Variants in NALF1 observed in about 807,000 individuals in gnomAD.
NALF1 encodes the protein NALCN channel auxiliary factor 1.
A neutral mutation model predicts 48.4 loss-of-function variants in NALF1; 3 were observed. The ratio of observed to expected loss-of-function variants is 0.06; its 90% confidence interval spans 0.03 to 0.16. The LOEUF (loss-of-function observed/expected upper bound fraction) is 0.16, where lower values mean the gene tolerates loss of function less well. Ranked by LOEUF, NALF1 falls within the 10% of genes least tolerant of loss-of-function variation. NALF1 has a pLI of 1.00. For synonymous variants in NALF1, 262 were observed against 245.7 expected, an observed-to-expected ratio of 1.07 and a Z score of -0.62; for missense variants, 526 against 571.5, an observed-to-expected ratio of 0.92 and a Z score of 0.81.
chr13:107,515,038 T>C (rs1430688907), intron 1 of NALF1, among the ~76,000 whole-genome samples: 1 of 152,210 alleles, frequency 6.6e-6, no homozygotes, highest in African/African-American at 2.4e-5. Flanking sequence ...TGTATGGCCA[T>C]ATGCAGGTTA....
rs929491249 is a variant in NALF1 at position 107,638,103 on chromosome 13, G to A, written c.915+227579C>T. On this transcript the variant is annotated intron_variant, in intron 1 of 2. Coordinates refer to ENST00000375915, the MANE Select transcript of NALF1 (RefSeq NM_001080396.3). ...TCTAAAAACGACATCATCTGTTCCT[G>A]CTAGAGTGTTTATGGAAATCAAACA... Among the ~76,000 whole-genome samples, 5 of 149,362 alleles carry A rather than the reference G, an allele frequency of 3.3e-5. No homozygotes were observed. The East Asian group carries it at 6.1e-4, about 18-fold the overall frequency.
At chr13:107,413,860 C>T (rs1884037185) in intron 1 of NALF1, among the ~76,000 whole-genome samples, 1 of 152,166 alleles carries the variant, frequency 6.6e-6, no homozygotes, top group Non-Finnish European at 1.5e-5. Flanking sequence ...AATCTCAGCT[C>T]ACTGTAACCT....
chr13:107,384,606 T>G (rs1476768330), intron 1 of NALF1, among the ~76,000 whole-genome samples: 4 of 152,162 alleles, frequency 2.6e-5, no homozygotes, highest in African/African-American at 9.6e-5. Context: ...ATTATTTAAT[T>G]AAATAAAACC....
intron 1 of NALF1, among the ~76,000 whole-genome samples, chr13:107,730,012 G>C (rs1252788290): frequency 6.6e-6 from 1 of 152,050 alleles, no homozygotes; most frequent in Non-Finnish European, 1.5e-5. Flanking sequence ...TATAATAAAA[G>C]TCACTTCTGC....
intron 1 of NALF1, among the ~76,000 whole-genome samples, chr13:107,338,837 A>T (rs1882611631): frequency 6.6e-6 from 1 of 152,144 alleles, no homozygotes; most frequent in Non-Finnish European, 1.5e-5. Flanking sequence ...ATTCTAAAAA[A>T]GTTACAGCTT....
At chr13:107,528,560 C>T (rs1876519753) in intron 1 of NALF1, among the ~76,000 whole-genome samples, 1 of 152,072 alleles carries the variant, frequency 6.6e-6, no homozygotes, top group African/African-American at 2.4e-5. Flanking sequence ...AGGGGAATTG[C>T]CTAATTTCAA....
chr13:107,371,814 A>G (rs1883252894), intron 1 of NALF1, among the ~76,000 whole-genome samples: 1 of 152,262 alleles, frequency 6.6e-6, no homozygotes, highest in South Asian at 2.1e-4. Flanking sequence ...TTAAACTTGC[A>G]GCATCAGTCA....
chr13:107,719,165 C>T (rs547409678), intron 1 of NALF1, among the ~76,000 whole-genome samples: 3 of 152,234 alleles, frequency 2.0e-5, no homozygotes, highest in South Asian at 2.1e-4. Flanking sequence ...CATTTTATTT[C>T]CATGTGATGT....
chr13:107,730,782 A>C (rs1297492340), intron 1 of NALF1, among the ~76,000 whole-genome samples: 1 of 152,236 alleles, frequency 6.6e-6, no homozygotes, highest in South Asian at 2.1e-4. Context: ...ATTATAATTG[A>C]ATAAATGAGT....
chr13:107,467,791 G>A (rs567566873), intron 1 of NALF1, among the ~76,000 whole-genome samples: 3 of 151,988 alleles, frequency 2.0e-5, no homozygotes, highest in Non-Finnish European at 2.9e-5. Flanking sequence ...CTGTAATCCC[G>A]GCACTTTGGG....
chr13:107,581,188 G>A (rs1043196201), intron 1 of NALF1, among the ~76,000 whole-genome samples: 1 of 152,082 alleles, frequency 6.6e-6, no homozygotes, highest in South Asian at 2.1e-4. Context: ...GTTTCAAGAC[G>A]GTATTTGTCA....
In NALF1 at chr13:107,544,616, G is replaced by A. The variant is rs148300917; in HGVS notation, c.915+321066C>T. Among the ~76,000 whole-genome samples the A allele has an allele frequency of 7.2e-3, 1,092 of 152,106 alleles. 10 individuals are homozygous for A. Among genetic ancestry groups the A allele is most frequent in the African/African-American group, 0.024 (987 of 41,504 alleles). On this transcript the variant is annotated intron_variant, in intron 1 of 2. Coordinates refer to ENST00000375915, the MANE Select transcript of NALF1 (RefSeq NM_001080396.3). ...ATTTAACTGGCCAAAATGCCACCAC[G>A]GGCACTCGATAGCCATGACCCTTCA...
At chr13:107,498,955 T>A (rs952846754) in intron 1 of NALF1, among the ~76,000 whole-genome samples, 3 of 152,164 alleles carry the variant, frequency 2.0e-5, no homozygotes, top group Admixed American at 6.6e-5. Flanking sequence ...AAATTTTAAA[T>A]GTCATTAGGG....
chr13:107,239,376 G>C (rs1880419001), intron 1 of NALF1, among the ~76,000 whole-genome samples: 1 of 152,126 alleles, frequency 6.6e-6, no homozygotes, highest in Non-Finnish European at 1.5e-5. Context: ...GCCAGTCTCT[G>C]CCTCTCTGGT....
At chr13:107,818,303 G>T (rs1221642216) in intron 1 of NALF1, among the ~76,000 whole-genome samples, 1 of 152,156 alleles carries the variant, frequency 6.6e-6, no homozygotes, top group Non-Finnish European at 1.5e-5. Flanking sequence ...ATCAAAGTGG[G>T]AAAAGAGAGC....
At chr13:107,639,677 T>C (rs1880096928) in intron 1 of NALF1, among the ~76,000 whole-genome samples, 1 of 151,428 alleles carries the variant, frequency 6.6e-6, no homozygotes, top group South Asian at 2.1e-4. Context: ...GGTGTATAAA[T>C]CCTGGAATCA....
At chr13:107,201,437 C>T (rs1332714079) in intron 2 of NALF1, among the ~76,000 whole-genome samples, 1 of 152,066 alleles carries the variant, frequency 6.6e-6, no homozygotes, top group African/African-American at 2.4e-5. Context: ...ACCAGCCGGA[C>T]GTGGTGGCGG....
At chr13:107,805,642 T>C (rs976238742) in intron 1 of NALF1, among the ~76,000 whole-genome samples, 3 of 152,172 alleles carry the variant, frequency 2.0e-5, no homozygotes, top group Admixed American at 2.0e-4. Context: ...CTTACATGAG[T>C]AAATAAATAT....
chr13:107,716,716 G>C (rs189103126), intron 1 of NALF1, among the ~76,000 whole-genome samples: 76 of 152,276 alleles, frequency 5.0e-4, no homozygotes, highest in Non-Finnish European at 7.6e-4. Context: ...TTTAATGCCT[G>C]ATAAGGTTAT....
Sources: gnomAD v4.1 joint callset for allele counts (sites outside exome capture counted in the v4.1 genomes callset) on GRCh38, gnomAD v4.1.1 for gene constraint, MANE v1.5 for transcripts, NCBI Gene and HGNC (gene_info 2026-07-23, HGNC 2026-07-21) for gene names.